SLC16A12: variants seen among roughly 807,000 people sequenced by gnomAD.
SLC16A12 encodes the protein solute carrier family 16 member 12, also known as monocarboxylate transporter 12.
In SLC16A12, 17 loss-of-function variants were observed where a neutral mutation model predicts 42.4. The observed-to-expected ratio is 0.40, with a 90% confidence interval of 0.27 to 0.60. SLC16A12 has a LOEUF of 0.60. Among genes scored for constraint, SLC16A12 ranks in the 20% least tolerant of loss-of-function variants. The pLI, the probability that SLC16A12 is intolerant of heterozygous loss-of-function variation, is 0.42. For synonymous variants in SLC16A12, 224 were observed against 229.4 expected (o/e 0.98, Z 0.21); for missense variants, 544 against 623.0 (o/e 0.87, Z 1.35).
intron 2 of SLC16A12, among the ~76,000 whole-genome samples, chr10:89,469,087 C>A (rs1842452726): frequency 6.6e-6 from 1 of 152,158 alleles, no homozygotes; most frequent in South Asian, 2.1e-4. Flanking sequence ...TGAGATCACG[C>A]CACTGCACCC....
chr10:89,487,349 T>C (rs1238870492), intron 2 of SLC16A12, among the ~76,000 whole-genome samples: 6 of 152,114 alleles, frequency 3.9e-5, no homozygotes, highest in African/African-American at 1.4e-4. Context: ...CAACAGATGT[T>C]GGCAAGGATG....
intron 2 of SLC16A12, 140 bp from the exon 3 acceptor site, chr10:89,462,764 A>G: frequency 1.1e-6 from 1 of 940,842 alleles, no homozygotes; most frequent in South Asian, 2.0e-5. Flanking sequence ...GGGGCAGACT[A>G]TTTGTTGTCC....
intron 2 of SLC16A12, among the ~76,000 whole-genome samples, chr10:89,509,039 A>T (rs1843118490): frequency 6.6e-6 from 1 of 152,196 alleles, no homozygotes; most frequent in Non-Finnish European, 1.5e-5. Context: ...CCCAAGACTA[A>T]ACCAGGAAGA....
intron 2 of SLC16A12, among the ~76,000 whole-genome samples, chr10:89,481,977 CA>C (rs762344474): frequency 2.0e-5 from 3 of 151,828 alleles, no homozygotes; most frequent in Non-Finnish European, 4.4e-5. Flanking sequence ...AGGAGAAAAA[CA>C]AGTTAATATT....
intron 2 of SLC16A12, among the ~76,000 whole-genome samples, chr10:89,553,662 G>A (rs538044743): frequency 8.5e-5 from 13 of 152,240 alleles, no homozygotes; most frequent in Admixed American, 7.8e-4. Context: ...TCAACAATGG[G>A]ACAAATTTAA....
Position 89,502,650 on chromosome 10 carries a change from T to C in SLC16A12, c.-47+31851A>G, listed in dbSNP as rs552234724. On this transcript the variant is annotated intron_variant, in intron 2 of 7. Coordinates refer to ENST00000371790, the MANE Select transcript of SLC16A12 (RefSeq NM_213606.4). ...CATGTGCCTTGAGCCTTGAGGACTA[T>C]AGAAGCAAATAAACATCAGTCATCT... Among the ~76,000 whole-genome samples the C allele has an allele frequency of 1.8e-4, 27 of 152,290 alleles. No individual in the cohort carries two copies. The South Asian group carries it at 2.5e-3, about 14-fold the overall frequency.
At chr10:89,480,013 A>G (rs570304561) in intron 2 of SLC16A12, among the ~76,000 whole-genome samples, 2 of 152,322 alleles carry the variant, frequency 1.3e-5, no homozygotes, top group African/African-American at 4.8e-5. Flanking sequence ...GGCTTATAAG[A>G]GGCCCTTTAG....
intron 2 of SLC16A12, among the ~76,000 whole-genome samples, chr10:89,551,239 C>T (rs537831345): frequency 2.2e-4 from 33 of 152,198 alleles, no homozygotes; most frequent in Admixed American, 4.6e-4. Context: ...GTCAGGAGTT[C>T]GAGACCAGCC....
intron 6 of SLC16A12, among the ~76,000 whole-genome samples, 182 bp from the exon 7 acceptor site, chr10:89,436,501 A>G (rs1841788810): frequency 6.6e-6 from 1 of 152,148 alleles, no homozygotes; most frequent in Admixed American, 6.5e-5. Context: ...TCTCTCCAGG[A>G]AGCATGGTGT....
At chr10:89,511,924 T>C (rs1843167528) in intron 2 of SLC16A12, among the ~76,000 whole-genome samples, 1 of 152,128 alleles carries the variant, frequency 6.6e-6, no homozygotes, top group African/African-American at 2.4e-5. Flanking sequence ...TGTTCATTAA[T>C]AGATGAATGG....
At chr10:89,522,686 T>C (rs1484320954) in intron 2 of SLC16A12, among the ~76,000 whole-genome samples, 1 of 152,238 alleles carries the variant, frequency 6.6e-6, no homozygotes, top group East Asian at 1.9e-4. Flanking sequence ...TACAGCATGA[T>C]GGTACACAGC....
At chr10:89,463,968 C>T (rs1273767569) in intron 2 of SLC16A12, among the ~76,000 whole-genome samples, 3 of 152,166 alleles carry the variant, frequency 2.0e-5, no homozygotes, top group Non-Finnish European at 4.4e-5. Context: ...TTCTACCCAA[C>T]AGAATATGGC....
intron 2 of SLC16A12, among the ~76,000 whole-genome samples, chr10:89,487,997 C>T (rs867309928): frequency 2.5e-3 from 296 of 117,710 alleles, no homozygotes; most frequent in African/African-American, 7.7e-3. Context: ...TATATATATA[C>T]ACACACACAT....
intron 7 of SLC16A12, among the ~76,000 whole-genome samples, chr10:89,435,667 C>T (rs1841769169): frequency 6.6e-6 from 1 of 152,196 alleles, no homozygotes; most frequent in Non-Finnish European, 1.5e-5. Flanking sequence ...CACTATGACA[C>T]TGGCGTTTAT....
intron 2 of SLC16A12, among the ~76,000 whole-genome samples, chr10:89,551,834 T>C: frequency 6.6e-6 from 1 of 152,222 alleles, no homozygotes; most frequent in Non-Finnish European, 1.5e-5. Flanking sequence ...TAAACTTCTT[T>C]TTCTTCTCAG....
At chr10:89,532,964 A>G (rs1032375502) in intron 2 of SLC16A12, among the ~76,000 whole-genome samples, 8 of 152,202 alleles carry the variant, frequency 5.3e-5, no homozygotes, top group Admixed American at 3.3e-4. Context: ...ACTCTTAAGA[A>G]AACAAATCAT....
chr10:89,529,809 A>G (rs964075439), intron 2 of SLC16A12, among the ~76,000 whole-genome samples: 2 of 152,106 alleles, frequency 1.3e-5, no homozygotes, highest in African/African-American at 4.8e-5. Context: ...CAACCTCCCA[A>G]AGTGCTGGAA....
intron 2 of SLC16A12, among the ~76,000 whole-genome samples, chr10:89,474,201 C>T (rs1842542836): frequency 6.6e-6 from 1 of 152,254 alleles, no homozygotes; most frequent in South Asian, 2.1e-4. Context: ...TTTCCTGGCA[C>T]TTATCAAATA....
intron 2 of SLC16A12, among the ~76,000 whole-genome samples, chr10:89,483,639 A>G (rs1842700861): frequency 6.6e-6 from 1 of 150,876 alleles, no homozygotes; most frequent in Non-Finnish European, 1.5e-5. Flanking sequence ...AGGCAGGAGG[A>G]TAGCTTAAGT....
Sources: allele counts gnomAD v4.1 joint callset (sites outside exome capture counted in the v4.1 genomes callset), GRCh38; gene constraint gnomAD v4.1.1; transcripts MANE v1.5; gene names NCBI Gene and HGNC (gene_info 2026-07-23, HGNC 2026-07-21).